TMEM67: variants seen among roughly 807,000 people sequenced by gnomAD.
TMEM67 encodes the protein transmembrane protein 67, also known as meckelin.
In TMEM67, 124 loss-of-function variants were observed where a neutral mutation model predicts 136.6. That is an observed-to-expected ratio of 0.91 (90% CI 0.78 to 1.05). TMEM67 has a LOEUF of 1.05. Ranked by LOEUF, TMEM67 falls within the 50% of genes least tolerant of loss-of-function variation. The pLI is 0.00. For synonymous variants in TMEM67, 364 were observed against 390.5 expected (o/e 0.93, Z 0.80); for missense variants, 1,107 against 1,178.4 (o/e 0.94, Z 0.89).
intron 7 of TMEM67, among the ~76,000 whole-genome samples, chr8:93,780,229 G>A (rs1007311575): frequency 9.2e-5 from 14 of 151,884 alleles, no homozygotes; most frequent in Non-Finnish European, 1.3e-4. Context: ...TTGGAAAAGC[G>A]CAGTGTTTAG....
At chr8:93,807,638 C>T (rs897282165) in intron 23 of TMEM67, among the ~76,000 whole-genome samples, 2 of 151,694 alleles carry the variant, frequency 1.3e-5, no homozygotes, top group African/African-American at 2.4e-5. Flanking sequence ...TTGTATTTCT[C>T]TTTATTTTGT....
chr8:93,801,588 G>A (rs979647224), intron 21 of TMEM67, among the ~76,000 whole-genome samples: 1 of 152,064 alleles, frequency 6.6e-6, no homozygotes, highest in African/African-American at 2.4e-5. Flanking sequence ...TTTTAGTAGA[G>A]ACGGGGTTTT....
Position 93,755,020 on chromosome 8 carries a change from G to A in TMEM67, c.106G>A (p.Ala36Thr). 4 of 1,614,140 alleles carry A rather than the reference G, an allele frequency of 2.5e-6. No individual in the cohort carries two copies. Among genetic ancestry groups the A allele is most frequent in the Non-Finnish European group, 3.4e-6 (4 of 1,180,020 alleles). Residue 36 changes from alanine to threonine, a missense_variant, in exon 1 of 28, where the codon GCC (alanine) becomes ACC (threonine). Transcript: ENST00000453321. ...LLLFLPRFLQ[A>T]QTFSFPFQQP... ...GTTGTTCCTCCCTCGCTTCTTACAG[G>A]CCCAGACCTTCTCTTTCCCTTTCCA...
At chr8:93,772,416 G>T (rs1469523652) in intron 6 of TMEM67, among the ~76,000 whole-genome samples, 173 bp from the exon 7 acceptor site, 1 of 152,076 alleles carries the variant, frequency 6.6e-6, no homozygotes, top group African/African-American at 2.4e-5. Context: ...TGATTATTTT[G>T]TAATGCGGTC....
chr8:93,758,409 C>T (rs1413125227), intron 2 of TMEM67, 74 bp from the exon 3 acceptor site: 58 of 1,110,864 alleles, frequency 5.2e-5, no homozygotes, highest in Non-Finnish European at 6.9e-5. Context: ...ACTCTTATGG[C>T]ATTTTGAACT....
chr8:93,786,432 A>T (rs548108068), intron 13 of TMEM67, 86 bp downstream of exon 13: 1 of 1,470,454 alleles, frequency 6.8e-7, no homozygotes, highest in South Asian at 1.1e-5. Context: ...AACAATAAGG[A>T]CAACTGAATT....
At position 93,816,494 on chromosome 8, in the gene TMEM67, C is replaced by CAA; in HGVS notation, c.*49_*50dup. Reference sequence around the variant, plus strand: ...CTTAAAGACTCAGTATAATCATGGCCAAAAAAAAGTCATGATATCAGGTTA... The same window carrying CAA: ...CTTAAAGACTCAGTATAATCATGGCCAAAAAAAAAAGTCATGATATCAGGTTA... On this transcript the variant is annotated 3_prime_UTR_variant, in exon 28 of 28. Transcript: ENST00000453321. 9.1e-7 allele frequency: 1 copy of CAA among 1,102,590 alleles called. No homozygotes were observed. Among genetic ancestry groups the CAA allele is most frequent in the Non-Finnish European group, 1.4e-6 (1 of 734,626 alleles). The allele number at this position is 1,102,590 out of a possible 1,614,324, so 68.3% of individuals were successfully genotyped here. A position where few individuals can be genotyped will look rare whatever the true frequency, so the allele number is the denominator to read the frequency against.
At chr8:93,787,801 C>G (rs750221901) in intron 13 of TMEM67, 43 bp from the exon 14 acceptor site, 2 of 1,415,192 alleles carry the variant, frequency 1.4e-6, no homozygotes, top group South Asian at 2.3e-5. Context: ...TGTTTAAAGG[C>G]CCGGATATAC....
At chr8:93,804,663 C>T (rs903664876) in intron 22 of TMEM67, 99 bp from the exon 23 acceptor site, 28 of 670,144 alleles carry the variant, frequency 4.2e-5, no homozygotes, top group Non-Finnish European at 7.0e-5. Flanking sequence ...ATACAATCTT[C>T]ATTATTTTGG....
At chr8:93,791,394 G>A in intron 15 of TMEM67, 75 bp downstream of exon 15, 3 of 1,111,452 alleles carry the variant, frequency 2.7e-6, no homozygotes, top group Non-Finnish European at 4.0e-6. Flanking sequence ...GCAAGAAGTT[G>A]CTAAAACAAA....
the TMEM67 span, among the ~76,000 whole-genome samples, chr8:93,824,368 A>G: frequency 6.6e-6 from 1 of 152,244 alleles, no homozygotes; most frequent in African/African-American, 2.4e-5. Context: ...TTGACATTTT[A>G]AATATTTCTG....
chr8:93,789,170 G>A (rs980231180), intron 14 of TMEM67, among the ~76,000 whole-genome samples: 3 of 152,096 alleles, frequency 2.0e-5, no homozygotes, highest in African/African-American at 7.2e-5. Context: ...CCTTCAGCCA[G>A]TGCTTTTGGC....
chr8:93,758,124 T>C (rs2130542525), intron 2 of TMEM67, among the ~76,000 whole-genome samples: 1 of 152,332 alleles, frequency 6.6e-6, no homozygotes, highest in South Asian at 2.1e-4. Flanking sequence ...ATTAACCTAT[T>C]AACTGACCGT....
rs1397567503 is a variant in TMEM67 at position 93,764,889 on chromosome 8, C to T, written c.507-517C>T. Among the ~76,000 whole-genome samples the T allele has an allele frequency of 3.9e-5, 6 of 152,142 alleles. No homozygotes were observed. The East Asian group carries it at 7.7e-4, about 20-fold the overall frequency. ...CATTGGACCAGTACCCTCCCTCCCT[C>T]TGTCTCATTCATTAATGAAAAATAT... On this transcript the variant is annotated intron_variant, in intron 4 of 27. Transcript: ENST00000453321.
At chr8:93,762,399 A>G (rs1391790000) in intron 3 of TMEM67, among the ~76,000 whole-genome samples, 1 of 134,120 alleles carries the variant, frequency 7.5e-6, no homozygotes, top group East Asian at 2.1e-4. Flanking sequence ...GTCTTACTAT[A>G]TATCTCAAGC....
chr8:93,808,903 A>G lies in TMEM67; in HGVS notation c.2503A>G (p.Ile835Val), dbSNP rs1475851736. 1 of 1,613,096 alleles carries G rather than the reference A, an allele frequency of 6.2e-7. No homozygotes were observed. Among genetic ancestry groups the G allele is most frequent in the Non-Finnish European group, 8.5e-7 (1 of 1,179,292 alleles). ...AGATGGTCAGACTTTTGAGATTGCA[A>G]TTTCTAACCAGATGAGACAACATTA... The part of the protein sequence containing the change: ...NTDGQTFEIA[I>V]SNQMRQHYDR... Residue 835 changes from isoleucine (I) to valine (V), a missense_variant, in exon 24 of 28, where the codon ATT (isoleucine) becomes GTT (valine). Ile to Val is a conservative substitution (Grantham distance 29). This residue lies in a region of TMEM67 where 925 missense variants were observed against 1,002.4 expected (regional missense o/e 0.92). Transcript: ENST00000453321.
intron 23 of TMEM67, 65 bp downstream of exon 23, chr8:93,804,943 T>C (rs1425816055): frequency 2.0e-6 from 2 of 981,108 alleles, no homozygotes; most frequent in African/African-American, 3.3e-5. Flanking sequence ...AATGCTGGAT[T>C]TGTTTTAAAA....
At chr8:93,831,326 C>T in the TMEM67 span, among the ~76,000 whole-genome samples, 2 of 152,290 alleles carry the variant, frequency 1.3e-5, no homozygotes, top group East Asian at 3.9e-4. Context: ...GCATTTAGCT[C>T]AGCTGATGAA....
intron 14 of TMEM67, among the ~76,000 whole-genome samples, chr8:93,790,152 A>C (rs552205044): frequency 6.6e-6 from 1 of 152,168 alleles, no homozygotes; most frequent in Non-Finnish European, 1.5e-5. Context: ...CAATTCTTTC[A>C]TCATTTCTTA....
Sources: gnomAD v4.1 joint callset for allele counts (sites outside exome capture counted in the v4.1 genomes callset) on GRCh38, gnomAD v4.1.1 for gene constraint, gnomAD v4.1.1 regional missense constraint, MANE v1.5 for transcripts, NCBI Gene and HGNC (gene_info 2026-07-23, HGNC 2026-07-21) for gene names.